FANCI: variants seen among roughly 807,000 people sequenced by gnomAD.
FANCI encodes the protein FA complementation group I.
Under a neutral mutation model 176.1 loss-of-function variants are expected in FANCI, and 156 were observed. The ratio of observed to expected loss-of-function variants is 0.89; its 90% CI spans 0.78 to 1.01. The LOEUF is 1.01. Ranked by LOEUF, FANCI falls within the 50% of genes least tolerant of loss-of-function variation. The probability of loss-of-function intolerance (pLI) is 0.00; values close to 1 mark genes in which losing one functional copy is unlikely to be tolerated. For synonymous variants in FANCI, 613 were observed against 541.7 expected (o/e 1.13, Z -1.83); for missense variants, 1,678 against 1,534.1 (o/e 1.09, Z -1.57).
At chr15:89,256,350 G>T (rs546801868) in intron 2 of FANCI, among the ~76,000 whole-genome samples, 1 of 152,214 alleles carries the variant, frequency 6.6e-6, no homozygotes, top group African/African-American at 2.4e-5. Context: ...TGCTCTAAGG[G>T]TTATGTCAAG....
chr15:89,301,843 T>C (rs762274159), intron 27 of FANCI, among the ~76,000 whole-genome samples: 5 of 152,230 alleles, frequency 3.3e-5, no homozygotes, highest in Non-Finnish European at 5.9e-5. Context: ...GCAGTTGACT[T>C]TCTCAGCACA....
At chr15:89,269,434 C>G (rs930236215) in intron 10 of FANCI, among the ~76,000 whole-genome samples, 3 of 151,722 alleles carry the variant, frequency 2.0e-5, no homozygotes, top group African/African-American at 7.3e-5. Context: ...AGGCTCTCAT[C>G]AGGCTTCATG....
rs1254032261 is a variant in FANCI, at chr15:89,264,553, T to C, written c.701T>C (p.Ile234Thr). 1 of 1,613,910 alleles carries C rather than the reference T, an allele frequency of 6.2e-7. No individual in the cohort carries two copies. The highest frequency in any genetic ancestry group is 2.2e-5 in the East Asian group (1 of 44,832). The change falls in exon 9 of 38, where the codon ATA (isoleucine) becomes ACA (threonine). Residue 234 changes from isoleucine (I) to threonine (T), a missense_variant. Ile to Thr is a moderately conservative substitution (Grantham distance 89, BLOSUM62 -1). This residue lies in a region of FANCI where 469 missense variants were observed against 436.9 expected (regional missense o/e 1.07). Transcript: ENST00000310775. ...AGAAAGAGTGTTTTGGAAGGAATCA[T>C]AGCCTTCTTCAGTGCACTAGATAAG... ...GSRKSVLEGI[I>T]AFFSALDKQH...
In FANCI at chr15:89,292,831, A is replaced by T; in HGVS notation, c.2136A>T (p.Arg712Ser). 6.2e-7 allele frequency: 1 copy of T among 1,614,120 alleles called. No individual in the cohort carries two copies. Among genetic ancestry groups the T allele is most frequent in the South Asian group, 1.1e-5 (1 of 91,074 alleles). ...LDDILESITN[R>S]MIKSELEDFE... is the part of the protein sequence containing the mutation. Reference sequence around the variant, plus strand: ...ATATATTGGAGTCCATTACTAATAGAATGATTAAGAGTGAGCTGGAAGACT... The same window carrying T: ...ATATATTGGAGTCCATTACTAATAGTATGATTAAGAGTGAGCTGGAAGACT... Residue 712 changes from arginine to serine, a missense_variant, in exon 21 of 38, where the codon AGA (arginine) becomes AGT (serine). Transcript: ENST00000310775.
At chr15:89,293,683 G>C in intron 22 of FANCI, 150 bp from the exon 23 acceptor site, 1 of 850,612 alleles carries the variant, frequency 1.2e-6, no homozygotes, top group Non-Finnish European at 1.9e-6. Flanking sequence ...GCTGTGACCT[G>C]GGAGTATTAT....
chr15:89,274,899 C>T (rs528722592), intron 12 of FANCI, among the ~76,000 whole-genome samples: 3 of 152,082 alleles, frequency 2.0e-5, no homozygotes, highest in Admixed American at 2.0e-4. Context: ...GCCACCGGTC[C>T]TGGCCGTTTC....
intron 14 of FANCI, among the ~76,000 whole-genome samples, chr15:89,278,987 G>A (rs992782312): frequency 2.0e-5 from 3 of 152,180 alleles, no homozygotes; most frequent in East Asian, 1.9e-4. Context: ...TAACCAATAA[G>A]TAAAACTTCC....
chr15:89,255,176 T>G (rs2052439025), intron 2 of FANCI, among the ~76,000 whole-genome samples: 1 of 152,296 alleles, frequency 6.6e-6, no homozygotes, highest in South Asian at 2.1e-4. Context: ...GAGTATTGAT[T>G]AGTTGTTTTG....
intron 27 of FANCI, among the ~76,000 whole-genome samples, chr15:89,303,224 T>C (rs1230851170): frequency 6.6e-6 from 1 of 152,226 alleles, no homozygotes; most frequent in Non-Finnish European, 1.5e-5. Flanking sequence ...AGATCAAAAC[T>C]GCATTTTTGT....
chr15:89,291,566 A>T (rs1596303047), intron 19 of FANCI, 47 bp from the exon 20 acceptor site: 2 of 1,497,200 alleles, frequency 1.3e-6, no homozygotes, highest in East Asian at 4.5e-5. Flanking sequence ...TAAAAAAGTA[A>T]AAAGCATTTA....
intron 2 of FANCI, among the ~76,000 whole-genome samples, 190 bp from the exon 3 acceptor site, chr15:89,258,514 G>A (rs1263350186): frequency 6.6e-6 from 1 of 152,148 alleles, no homozygotes; most frequent in South Asian, 2.1e-4. Context: ...AGTAAGAATA[G>A]ATTTTAGTCT....
At chr15:89,310,905 A>G (rs1263180815) in intron 34 of FANCI, among the ~76,000 whole-genome samples, 1 of 151,942 alleles carries the variant, frequency 6.6e-6, no homozygotes, top group Non-Finnish European at 1.5e-5. Context: ...TGGGAGAATC[A>G]CAAGGTCTGG....
At chr15:89,273,277 C>T (rs909889244) in intron 10 of FANCI, 100 bp from the exon 11 acceptor site, 9 of 704,118 alleles carry the variant, frequency 1.3e-5, no homozygotes, top group Admixed American at 2.2e-5. Context: ...GCACTCTAGC[C>T]TGGGCAACAG....
rs753512282 is a variant in FANCI, at chr15:89,283,145, T to C, written c.1593T>C (p.Asp531=). 13 of 1,614,110 alleles carry C rather than the reference T, an allele frequency of 8.1e-6. No individual in the cohort carries two copies. Among genetic ancestry groups the C allele is most frequent in the Non-Finnish European group, 9.3e-6 (11 of 1,180,046 alleles). The change falls in exon 17 of 38, where the codon GAT becomes GAC. Residue 531 remains aspartate (D), a synonymous_variant. Transcript: ENST00000310775. The stretch of plus-strand genomic sequence containing the variant: ...TCTATTTCTGAGCTAGCCAGCTTGA[T>C]GCCCGAAAATCTGCAGTTGCTGGGT... ...LRKAMFANQL[D]ARKSAVAGFL... is the part of the protein sequence containing the mutation.
At chr15:89,303,136 G>T in intron 27 of FANCI, among the ~76,000 whole-genome samples, 1 of 152,206 alleles carries the variant, frequency 6.6e-6, no homozygotes, top group Non-Finnish European at 1.5e-5. Context: ...ATTTCATTGA[G>T]CACGGTATTC....
At chr15:89,312,348 C>A (rs1567178588) in intron 34 of FANCI, among the ~76,000 whole-genome samples, 1 of 152,244 alleles carries the variant, frequency 6.6e-6, no homozygotes, top group Non-Finnish European at 1.5e-5. Flanking sequence ...CTGCCTTCAA[C>A]TTCCATGTGC....
intron 1 of FANCI, among the ~76,000 whole-genome samples, chr15:89,244,519 C>T (rs2051857984): frequency 6.6e-6 from 1 of 152,174 alleles, no homozygotes; most frequent in Non-Finnish European, 1.5e-5. Flanking sequence ...ATCTACTTCG[C>T]GTTCAGGGAA....
At chr15:89,263,813 G>T in intron 7 of FANCI, 90 bp from the exon 8 acceptor site, 1 of 1,448,338 alleles carries the variant, frequency 6.9e-7, no homozygotes, top group Non-Finnish European at 9.6e-7. Context: ...ATGTTTAATG[G>T]AATTTTAACC....
chr15:89,312,828 A>G (rs551254591), intron 34 of FANCI, 76 bp from the exon 35 acceptor site: 1 of 1,249,140 alleles, frequency 8.0e-7, no homozygotes, highest in East Asian at 2.5e-5. Flanking sequence ...AAAAAAAAAA[A>G]AAAAAAATTA....
Sources: allele counts gnomAD v4.1 joint callset (sites outside exome capture counted in the v4.1 genomes callset), GRCh38; gene constraint gnomAD v4.1.1; regional missense constraint gnomAD v4.1.1; transcripts MANE v1.5; gene names NCBI Gene and HGNC (gene_info 2026-07-23, HGNC 2026-07-21).